TMEM108: variants seen among roughly 807,000 people sequenced by gnomAD.
The protein encoded by TMEM108 is cancer/testis antigen 124.
TMEM108 carries 12 observed loss-of-function variants against 35.1 expected under a neutral mutation model. That is an observed-to-expected ratio of 0.34 (90% confidence interval 0.22 to 0.55). The LOEUF is 0.55. Among genes scored for constraint, TMEM108 ranks in the 20% least tolerant of loss-of-function variants. The pLI, the probability that TMEM108 is intolerant of heterozygous loss-of-function variation, is 0.89. For missense variants in TMEM108, 680 were observed against 753.3 expected (o/e 0.90, Z 1.14); for synonymous variants, 287 against 308.6 (o/e 0.93, Z 0.73).
intron 2 of TMEM108, among the ~76,000 whole-genome samples, chr3:133,153,283 AT>A (rs1352227046): frequency 3.3e-5 from 5 of 152,052 alleles, no homozygotes; most frequent in African/African-American, 1.2e-4. Flanking sequence ...CAGCCCTAAA[AT>A]TTCATTATAT....
chr3:133,212,866 C>CAA (rs61575298), intron 2 of TMEM108, among the ~76,000 whole-genome samples: 34,407 of 82,286 alleles, frequency 0.42, 5,932 homozygotes, highest in East Asian at 0.55. Flanking sequence ...GACTCTGTCT[C>CAA]AAAAAAAAAA....
chr3:133,168,615 A>G (rs1945080126), intron 2 of TMEM108, among the ~76,000 whole-genome samples: 1 of 152,168 alleles, frequency 6.6e-6, no homozygotes, highest in Non-Finnish European at 1.5e-5. Context: ...TCTGTAAAAC[A>G]GACCAATCAG....
At chr3:133,125,862 T>TA (rs1326767582) in intron 2 of TMEM108, among the ~76,000 whole-genome samples, 2 of 152,204 alleles carry the variant, frequency 1.3e-5, no homozygotes, top group Non-Finnish European at 2.9e-5. Flanking sequence ...AAAAGAAGAC[T>TA]AAAGGGATGT....
At chr3:133,368,730 A>G (rs116475118) in intron 3 of TMEM108, among the ~76,000 whole-genome samples, 1,862 of 152,262 alleles carry the variant, frequency 0.012, 17 homozygotes, top group South Asian at 0.02. Context: ...AACATCTATG[A>G]TTTTGTGGTA....
chr3:133,275,634 T>A (rs1559889555), intron 3 of TMEM108, among the ~76,000 whole-genome samples: 1 of 152,214 alleles, frequency 6.6e-6, no homozygotes, highest in East Asian at 1.9e-4. Context: ...ATTTTTTATG[T>A]TTTAAAATGA....
intron 3 of TMEM108, among the ~76,000 whole-genome samples, chr3:133,250,246 GACA>G (rs891995235): frequency 5.3e-5 from 8 of 152,198 alleles, no homozygotes; most frequent in African/African-American, 1.9e-4. Flanking sequence ...CCACCCCTAA[GACA>G]ACAAGACCAA....
chr3:133,380,765 G>T lies in TMEM108; in HGVS notation c.1054G>T (p.Val352Phe). The T allele has an allele frequency of 6.2e-7, 1 of 1,614,128 alleles. No homozygotes were observed. Among genetic ancestry groups the T allele is most frequent in the Admixed American group, 1.7e-5 (1 of 60,016 alleles). The change falls in exon 4 of 6, where the codon GTC becomes TTC. Residue 352 changes from valine (V) to phenylalanine (F), a missense_variant. By Grantham distance (50) the Val-to-Phe change is conservative (BLOSUM62 -1). Around this residue, in one of 3 missense-constraint regions of TMEM108, gnomAD observed 526 missense variants for 532.1 expected, o/e 0.99. Transcript: ENST00000321871. This position sits in a 1 kb window ranked among gnomAD's most constrained non-coding sequence, Gnocchi z 5.3. The stretch of plus-strand genomic sequence containing the variant: ...CAGACCTCTGTCTACCAGCTCTGGG[G>T]TCTTCACGGCTGCCACGGGGCCCAC... ...TSRPLSTSSG[V>F]FTAATGPTPA...
At chr3:133,048,649 C>G (rs1297628220) in intron 2 of TMEM108, among the ~76,000 whole-genome samples, 1 of 152,172 alleles carries the variant, frequency 6.6e-6, no homozygotes, top group East Asian at 1.9e-4. Context: ...ATTAGACTTG[C>G]TTACAAAGTT....
intron 3 of TMEM108, among the ~76,000 whole-genome samples, chr3:133,378,027 CT>C (rs2072893437): frequency 1.3e-5 from 2 of 152,168 alleles, no homozygotes; most frequent in Non-Finnish European, 2.9e-5. Flanking sequence ...CATGGAAAAA[CT>C]GTCTTCCACA....
At chr3:133,151,540 C>T (rs776658737) in intron 2 of TMEM108, among the ~76,000 whole-genome samples, 7 of 151,658 alleles carry the variant, frequency 4.6e-5, no homozygotes, top group Non-Finnish European at 1.0e-4. Context: ...GCCCTCTGAA[C>T]AGTAAGAAGA....
In TMEM108 at chr3:133,217,002, C is replaced by T. The variant is rs551377305; in HGVS notation, c.-46-12264C>T. Among the ~76,000 whole-genome samples the T allele has an allele frequency of 7.9e-5, 12 of 152,180 alleles. No individual in the cohort carries two copies. The South Asian group carries it at 1.9e-3, about 24-fold the overall frequency. On this transcript the variant is annotated intron_variant, in intron 2 of 5. Transcript: ENST00000321871. ...TTAGTTTTTATTTTTTCAGGAACCTCGCTACTGTATTCCATAATAGTTGTA... is the reference window on the plus strand; with the variant it reads ...TTAGTTTTTATTTTTTCAGGAACCTTGCTACTGTATTCCATAATAGTTGTA...
chr3:133,126,379 A>G (rs770597945), intron 2 of TMEM108, among the ~76,000 whole-genome samples: 5 of 151,978 alleles, frequency 3.3e-5, no homozygotes, highest in Non-Finnish European at 5.9e-5. Context: ...AGGCAGGAGA[A>G]TCATTTGAAC....
In TMEM108 at chr3:133,381,015, C is replaced by A. The variant is rs746768419; in HGVS notation, c.1304C>A (p.Pro435His). 6.2e-7 allele frequency: 1 copy of A among 1,614,250 alleles called. No individual in the cohort carries two copies. Residue 435 changes from proline (P) to histidine (H), a missense_variant, in exon 4 of 6, where the codon CCC becomes CAC. Physicochemically the swap from Pro to His is moderately conservative, Grantham distance 77. Around this residue, in one of 3 missense-constraint regions of TMEM108, gnomAD observed 526 missense variants for 532.1 expected, o/e 0.99. Coordinates refer to ENST00000321871, the MANE Select transcript of TMEM108 (RefSeq NM_023943.4). ...ATGNFLNRLV[P>H]AGTWKPGTAG... is the part of the protein sequence containing the mutation. ...GGCAATTTCCTCAACCGCCTGGTCC[C>A]CGCCGGGACCTGGAAGCCTGGGACA...
At chr3:133,172,679 A>C (rs575856468) in intron 2 of TMEM108, among the ~76,000 whole-genome samples, 1 of 152,328 alleles carries the variant, frequency 6.6e-6, no homozygotes, top group South Asian at 2.1e-4. Context: ...TGGACCAAAA[A>C]GTTGGTACAT....
At chr3:133,108,916 A>G (rs1354228270) in intron 2 of TMEM108, among the ~76,000 whole-genome samples, 1 of 151,984 alleles carries the variant, frequency 6.6e-6, no homozygotes, top group Admixed American at 6.6e-5. Context: ...CAGCACACCA[A>G]CATGGCACAT....
At chr3:133,275,137 A>C (rs1946821496) in intron 3 of TMEM108, among the ~76,000 whole-genome samples, 1 of 152,136 alleles carries the variant, frequency 6.6e-6, no homozygotes. Context: ...CTAAAGGTTT[A>C]GCTCTGACTC....
At chr3:133,272,689 T>TCATAG (rs1306528229) in intron 3 of TMEM108, among the ~76,000 whole-genome samples, 5 of 152,048 alleles carry the variant, frequency 3.3e-5, no homozygotes, top group African/African-American at 1.2e-4. Context: ...TACTACTGAA[T>TCATAG]CATAGAGCTG....
At chr3:133,216,239 A>G (rs1402021499) in intron 2 of TMEM108, among the ~76,000 whole-genome samples, 1 of 152,112 alleles carries the variant, frequency 6.6e-6, no homozygotes, top group African/African-American at 2.4e-5. Context: ...TATGAAATTG[A>G]GAAGTATTCC....
chr3:133,090,190 A>T (rs1449471082), intron 2 of TMEM108, among the ~76,000 whole-genome samples: 1 of 152,206 alleles, frequency 6.6e-6, no homozygotes, highest in Admixed American at 6.5e-5. Context: ...GTAGATTGTC[A>T]CTGTAGGATC....
Sources: gnomAD v4.1 joint callset for allele counts (sites outside exome capture counted in the v4.1 genomes callset) on GRCh38, gnomAD v4.1.1 for gene constraint, gnomAD v4.1.1 regional missense constraint, Gnocchi (gnomAD v3.1) non-coding constraint, MANE v1.5 for transcripts, NCBI Gene and HGNC (gene_info 2026-07-23, HGNC 2026-07-21) for gene names.